KDM3B: variants seen among roughly 807,000 people sequenced by gnomAD.
The protein encoded by KDM3B is lysine demethylase 3B.
KDM3B carries 10 observed loss-of-function variants against 170.0 expected under a neutral mutation model. That is an observed-to-expected ratio of 0.06 (90% CI 0.04 to 0.10). The LOEUF is 0.10. KDM3B is among the 10% of genes least tolerant of loss of function. The pLI, the probability that KDM3B is intolerant of heterozygous loss-of-function variation, is 1.00. For synonymous variants in KDM3B, 831 were observed against 834.8 expected (o/e 1.00, Z 0.08); for missense variants, 1,394 against 2,195.2 (o/e 0.64, Z 7.29).
At chr5:138,381,957 G>A (rs967241103) in intron 6 of KDM3B, among the ~76,000 whole-genome samples, 2 of 123,094 alleles carry the variant, frequency 1.6e-5, no homozygotes, top group African/African-American at 2.9e-5. Flanking sequence ...GATAAACTAC[G>A]TCCACTTTTT....
chr5:138,358,711 C>T (rs1174763458), intron 1 of KDM3B, among the ~76,000 whole-genome samples: 1 of 151,984 alleles, frequency 6.6e-6, no homozygotes, highest in African/African-American at 2.4e-5. Context: ...CCTCCTGCCT[C>T]AGCTTCCTGA....
intron 23 of KDM3B, among the ~76,000 whole-genome samples, chr5:138,433,780 C>T (rs569110243): frequency 6.6e-6 from 1 of 152,020 alleles, no homozygotes; most frequent in African/African-American, 2.4e-5. Flanking sequence ...GCTCCGTTGC[C>T]CACGCTGGAG....
chr5:138,395,300 G>A (rs897642105), intron 9 of KDM3B, among the ~76,000 whole-genome samples: 4 of 152,166 alleles, frequency 2.6e-5, no homozygotes, highest in Non-Finnish European at 5.9e-5. Flanking sequence ...GCAGTCCAGG[G>A]ACCAAACTCT....
Position 138,386,450 on chromosome 5 carries a change from C to T in KDM3B, c.1209C>T (p.Asn403=), listed in dbSNP as rs1396426248. The T allele has an allele frequency of 3.1e-6, 5 of 1,614,000 alleles. No homozygotes were observed. The highest frequency in any genetic ancestry group is 4.2e-6 in the Non-Finnish European group (5 of 1,180,036). ...CCCCAGAGGTGGGTGGAGCCGAAAA[C>T]AAAGAGGCAGGAAAAACACTGGAAC... ...PLAPEVGGAE[N]KEAGKTLEQV... is the part of the protein sequence containing the mutation. The change falls in exon 7 of 24, where the codon AAC becomes AAT. Residue 403 remains asparagine, a synonymous_variant. Coordinates refer to ENST00000314358, the MANE Select transcript of KDM3B (RefSeq NM_016604.4).
rs144047213 is a variant in KDM3B, at chr5:138,419,728, T to TACACACACACACACAC, written c.3715+520_3715+535dup. ...ACACACACATATATATACACACACA[T>TACACACACACACACAC]ACACACACACACACACACACACACA... On this transcript the variant is annotated intron_variant, in intron 14 of 23. Transcript: ENST00000314358. 2.1e-3 allele frequency among the ~76,000 whole-genome samples: 261 copies of TACACACACACACACAC among 122,150 alleles called. 2 individuals carry two copies. Among genetic ancestry groups the TACACACACACACACAC allele is most frequent in the African/African-American group, 2.1e-3 (64 of 30,352 alleles). 80.1% of individuals were successfully genotyped at this position (122,150 alleles called of 152,430 possible). A position where few individuals can be genotyped will look rare whatever the true frequency, so the allele number is the denominator to read the frequency against.
chr5:138,430,493 AT>A, intron 22 of KDM3B, 68 bp downstream of exon 22: 1 of 1,405,620 alleles, frequency 7.1e-7, no homozygotes. Context: ...TTTCTTGCTA[AT>A]CTACCAAGAG....
intron 3 of KDM3B, among the ~76,000 whole-genome samples, chr5:138,377,066 C>T (rs1488974436): frequency 6.6e-6 from 1 of 152,160 alleles, no homozygotes; most frequent in Non-Finnish European, 1.5e-5. Flanking sequence ...GTTGATATGT[C>T]TTCCCCGCTC....
chr5:138,406,745 G>C (rs892644530), intron 11 of KDM3B, among the ~76,000 whole-genome samples: 2 of 151,986 alleles, frequency 1.3e-5, no homozygotes, highest in African/African-American at 4.8e-5. Context: ...AAAAGAGAAG[G>C]TACAGTTTAC....
In KDM3B at chr5:138,419,196, G is replaced by A. The variant is rs1347828573; in HGVS notation, c.3679G>A (p.Asp1227Asn). Reference sequence around the variant, plus strand: ...CTCCTCCGCCCTGCACTGGTTGGCAGATTTAGCAACTCAGAAGGCTAAAGA... The same window carrying A: ...CTCCTCCGCCCTGCACTGGTTGGCAAATTTAGCAACTCAGAAGGCTAAAGA... Reference protein sequence around the residue: ...PPSSALHWLADLATQKAKEET... With the variant: ...PPSSALHWLANLATQKAKEET... The change falls in exon 14 of 24, where the codon GAT (aspartate) becomes AAT (asparagine). Residue 1227 changes from aspartate (D) to asparagine (N), a missense_variant. Physicochemically the swap from Asp to Asn is conservative, Grantham distance 23. Coordinates refer to ENST00000314358, the MANE Select transcript of KDM3B (RefSeq NM_016604.4). 2 of 1,614,178 alleles carry A rather than the reference G, an allele frequency of 1.2e-6. No individual in the cohort carries two copies. The highest frequency in any genetic ancestry group is 3.3e-5 in the Admixed American group (2 of 60,018).
At chr5:138,357,815 G>T (rs1263204402) in intron 1 of KDM3B, among the ~76,000 whole-genome samples, 3 of 151,328 alleles carry the variant, frequency 2.0e-5, no homozygotes, top group African/African-American at 7.3e-5. Context: ...TGCTTCCTAG[G>T]TTCAACCAAT....
At chr5:138,397,291 C>T (rs1762572600) in intron 9 of KDM3B, among the ~76,000 whole-genome samples, 1 of 151,952 alleles carries the variant, frequency 6.6e-6, no homozygotes, top group African/African-American at 2.4e-5. Flanking sequence ...GCCAAGATCG[C>T]ACCACTGCAC....
chr5:138,360,639 T>G, intron 1 of KDM3B, among the ~76,000 whole-genome samples: 1 of 148,858 alleles, frequency 6.7e-6, no homozygotes, highest in Non-Finnish European at 1.5e-5. Context: ...TGGCACATTG[T>G]CGGCTTGCTG....
intron 6 of KDM3B, among the ~76,000 whole-genome samples, chr5:138,383,192 G>A (rs2126937345): frequency 6.6e-6 from 1 of 151,716 alleles, no homozygotes; most frequent in Non-Finnish European, 1.5e-5. Flanking sequence ...ATGCTGGAGT[G>A]CAGTGGGGTG....
At chr5:138,433,968 G>A (rs1055811684) in intron 23 of KDM3B, among the ~76,000 whole-genome samples, 3 of 152,102 alleles carry the variant, frequency 2.0e-5, no homozygotes, top group East Asian at 1.9e-4. Context: ...TTGAACTCCC[G>A]ACCTCAGGTG....
At chr5:138,360,764 G>T (rs946828711) in intron 1 of KDM3B, among the ~76,000 whole-genome samples, 2 of 151,926 alleles carry the variant, frequency 1.3e-5, no homozygotes, top group Admixed American at 6.6e-5. Flanking sequence ...GCTAATTTTT[G>T]TAGTTTTAAT....
intron 23 of KDM3B, among the ~76,000 whole-genome samples, chr5:138,433,158 C>T (rs1763581025): frequency 7.1e-6 from 1 of 141,330 alleles, no homozygotes; most frequent in Non-Finnish European, 1.5e-5. Context: ...GTCACCCATG[C>T]TGGAGTGCAG....
intron 22 of KDM3B, 77 bp downstream of exon 22, chr5:138,430,502 G>GAAA: frequency 7.6e-7 from 1 of 1,322,072 alleles, no homozygotes; most frequent in Non-Finnish European, 1.1e-6. Flanking sequence ...AATCTACCAA[G>GAAA]AGATTTAAGT....
chr5:138,385,794 G>A (rs1762245369), intron 6 of KDM3B, among the ~76,000 whole-genome samples: 2 of 152,204 alleles, frequency 1.3e-5, no homozygotes, highest in Non-Finnish European at 2.9e-5. Context: ...TTAAGAGAAA[G>A]TTTGCCAAGT....
At chr5:138,366,663 C>T (rs1021589460) in intron 1 of KDM3B, among the ~76,000 whole-genome samples, 1 of 152,062 alleles carries the variant, frequency 6.6e-6, no homozygotes, top group African/African-American at 2.4e-5. Flanking sequence ...ACTAGGTCTC[C>T]CCACCACCTT....
Sources: gnomAD v4.1 joint callset for allele counts (sites outside exome capture counted in the v4.1 genomes callset) on GRCh38, gnomAD v4.1.1 for gene constraint, MANE v1.5 for transcripts, NCBI Gene and HGNC (gene_info 2026-07-23, HGNC 2026-07-21) for gene names.